Variants in PBX1 observed in about 807,000 individuals in gnomAD.
PBX1 encodes the protein pre-B-cell leukemia transcription factor 1.
Under a neutral mutation model 53.4 loss-of-function variants are expected in PBX1, and 6 were observed. The ratio of observed to expected loss-of-function variants is 0.11; its 90% CI spans 0.06 to 0.22. The LOEUF (loss-of-function observed/expected upper bound fraction) is 0.22, where lower values mean the gene tolerates loss of function less well. PBX1 is among the 10% of genes least tolerant of loss of function. The pLI, the probability that PBX1 is intolerant of heterozygous loss-of-function variation, is 1.00. For synonymous variants in PBX1, 204 were observed against 212.3 expected, an observed-to-expected ratio of 0.96 and a Z score of 0.34; for missense variants, 251 against 551.4, an observed-to-expected ratio of 0.46 and a Z score of 5.46.
intron 2 of PBX1, chr1:164,682,977 G>A (rs1016258776): frequency 6.6e-6 from 1 of 152,222 alleles, no homozygotes; most frequent in Non-Finnish European, 1.5e-5. Flanking sequence ...CAGGCTGTGA[G>A]TTTTTTGATG....
At chr1:164,696,083 G>T (rs901332057) in intron 2 of PBX1, among the ~76,000 whole-genome samples, 3 of 152,138 alleles carry the variant, frequency 2.0e-5, no homozygotes, top group African/African-American at 7.2e-5. Flanking sequence ...TGGAGACCCA[G>T]TCGTTATTTG....
intron 2 of PBX1, among the ~76,000 whole-genome samples, chr1:164,733,391 C>T (rs1039170491): frequency 6.6e-6 from 1 of 152,128 alleles, no homozygotes; most frequent in African/African-American, 2.4e-5. Flanking sequence ...TCTCTGTGAA[C>T]CACCAAGGGT....
chr1:164,881,332 AGAAGGAAGGAAG>A lies in PBX1; in HGVS notation n.258-17837_258-17826del, dbSNP rs10615739. On this transcript the variant is annotated intron_variant and non_coding_transcript_variant, in intron 2 of 2. Coordinates refer to the PBX1 transcript ENST00000558796. ...AGGAAGGAAGGAAGGAAGGAGGAAA[AGAAGGAAGGAAG>A]GAAGGAAGGAAGGAAGGAGGAAAAG... is the stretch of plus-strand genomic sequence containing the variant. Among the ~76,000 whole-genome samples, 479 of 103,982 alleles carry A rather than the reference AGAAGGAAGGAAG, an allele frequency of 4.6e-3. 22 individuals carry two copies. Among genetic ancestry groups the A allele is most frequent in the African/African-American group, 0.013 (313 of 25,018 alleles). The allele number at this position is 103,982 out of a possible 152,430, so 68.2% of individuals were successfully genotyped here.
rs190363555 is a variant in PBX1, at chr1:164,807,572, G to A, written c.732G>A (p.Ala244=). 1.9e-6 allele frequency: 3 copies of A among 1,613,634 alleles called. No individual in the cohort carries two copies. The highest frequency in any genetic ancestry group is 1.3e-5 in the African/African-American group (1 of 74,998). Residue 244 remains alanine, a synonymous_variant, in exon 5 of 9, where the codon GCG becomes GCA. Coordinates refer to ENST00000420696, the MANE Select transcript of PBX1 (RefSeq NM_002585.4). ...RRKRRNFNKQ[A]TEILNEYFYS... is the part of the protein sequence containing the mutation. ...AGAGACGGAATTTCAACAAGCAAGC[G>A]ACAGAAATCCTGAATGAATATTTCT... is the stretch of plus-strand genomic sequence containing the variant.
chr1:164,646,462 A>C (rs1221170827), intron 2 of PBX1, among the ~76,000 whole-genome samples: 2 of 152,130 alleles, frequency 1.3e-5, no homozygotes, highest in African/African-American at 2.4e-5. Flanking sequence ...TAGGCTGACT[A>C]CCTAGAAGAG....
chr1:164,849,629 A>C lies in PBX1; in HGVS notation c.*2953A>C, dbSNP rs1197602716. On this transcript the variant is annotated 3_prime_UTR_variant, in exon 9 of 9. Transcript: ENST00000420696. ...ACGATACTAGACCCTGGGTTTGCCCACCTTGTAACTCTTCCTTATCTCCTC... is the reference window on the plus strand; with the variant it reads ...ACGATACTAGACCCTGGGTTTGCCCCCCTTGTAACTCTTCCTTATCTCCTC... 4 of 532,760 alleles carry C rather than the reference A, an allele frequency of 7.5e-6. No individual in the cohort carries two copies. The highest frequency in any genetic ancestry group is 1.3e-5 in the Non-Finnish European group (4 of 314,268). 33.0% of individuals were successfully genotyped at this position (532,760 alleles called of 1,614,324 possible). A position where few individuals can be genotyped will look rare whatever the true frequency, so the allele number is the denominator to read the frequency against.
chr1:164,835,981 T>C (rs1341686471), intron 8 of PBX1, among the ~76,000 whole-genome samples: 2 of 152,294 alleles, frequency 1.3e-5, no homozygotes, highest in East Asian at 3.9e-4. Context: ...CCTAGAGATA[T>C]GTTAGTGGAA....
chr1:164,687,055 T>G (rs1398476936), intron 2 of PBX1, among the ~76,000 whole-genome samples: 1 of 152,064 alleles, frequency 6.6e-6, no homozygotes, highest in African/African-American at 2.4e-5. Context: ...TCAAGCTACT[T>G]AATAACAATC....
At position 164,884,147 on chromosome 1, in the gene PBX1, T is replaced by C. The variant is rs533405042; in HGVS notation, n.258-15041T>C. Among the ~76,000 whole-genome samples, 68 of 152,334 alleles carry C rather than the reference T, an allele frequency of 4.5e-4. 1 individual carries two copies. The South Asian group carries it at 0.014, about 31-fold the overall frequency. On this transcript the variant is annotated intron_variant and non_coding_transcript_variant, in intron 2 of 2. Transcript: ENST00000558796. ...AACACGGGTAATAATAACTATTTCG[T>C]AGAGTTGCTATGAAGATTAAACAAG...
intron 2 of PBX1, among the ~76,000 whole-genome samples, chr1:164,792,067 C>A (rs79136483): frequency 0.011 from 1,599 of 152,086 alleles, 32 homozygotes; most frequent in African/African-American, 0.036. Flanking sequence ...TCGTGATCAA[C>A]CCCCCACTCA....
chr1:164,662,796 A>G (rs184517828), intron 2 of PBX1, among the ~76,000 whole-genome samples: 13 of 151,812 alleles, frequency 8.6e-5, no homozygotes, highest in East Asian at 1.9e-4. Flanking sequence ...TTATCATTCT[A>G]TGTCATTATG....
chr1:164,735,476 G>T (rs1249456616), intron 2 of PBX1, among the ~76,000 whole-genome samples: 1 of 152,186 alleles, frequency 6.6e-6, no homozygotes, highest in Non-Finnish European at 1.5e-5. Flanking sequence ...AATTGAGAGA[G>T]AAAGAGGGAG....
chr1:164,701,330 T>C lies in PBX1; in HGVS notation c.266-91164T>C, dbSNP rs183183195. ...ACTTCACCAATTGTTATCTCAGATA[T>C]GGATATGCCTGAGGCCTGGGCAAGT... On this transcript the variant is annotated intron_variant, in intron 2 of 8. Transcript: ENST00000420696. Among the ~76,000 whole-genome samples, 3 of 152,356 alleles carry C rather than the reference T, an allele frequency of 2.0e-5. No homozygotes were observed. In the East Asian group the frequency reaches 5.8e-4, roughly 29 times the overall value.
chr1:164,753,124 A>G (rs1216002283), intron 2 of PBX1, among the ~76,000 whole-genome samples: 1 of 152,222 alleles, frequency 6.6e-6, no homozygotes, highest in Non-Finnish European at 1.5e-5. Context: ...GCTGCAAGAG[A>G]AAAGAACCTC....
chr1:164,683,123 T>TAAC (rs1661887588), intron 2 of PBX1: 1 of 152,214 alleles, frequency 6.6e-6, no homozygotes, highest in African/African-American at 2.4e-5. Context: ...AGTAAGCAGA[T>TAAC]AACAGTAACA....
intron 2 of PBX1, among the ~76,000 whole-genome samples, chr1:164,783,314 A>G (rs1451571247): frequency 6.8e-6 from 1 of 146,854 alleles, no homozygotes; most frequent in Non-Finnish European, 1.5e-5. Context: ...CTGAGGATCT[A>G]TGGATTCCTT....
intron 2 of PBX1, among the ~76,000 whole-genome samples, chr1:164,881,637 G>GAA (rs1277565157): frequency 2.0e-4 from 12 of 59,818 alleles, no homozygotes; most frequent in Non-Finnish European, 3.2e-4. Context: ...GAAAAAAGGG[G>GAA]AGGAAAAGTG....
At position 164,847,562 on chromosome 1, in the gene PBX1, G is replaced by A. The variant is rs1400403828; in HGVS notation, c.*886G>A. ...GTTAGGCATGGTGATGAATGCATCA[G>A]CAAGGAATAGAAAGTTCTTATCGTG... On this transcript the variant is annotated 3_prime_UTR_variant, in exon 9 of 9. Transcript: ENST00000420696. The A allele has an allele frequency of 2.8e-6, 3 of 1,062,690 alleles. No individual in the cohort carries two copies. The highest frequency in any genetic ancestry group is 3.4e-6 in the Non-Finnish European group (3 of 877,818). The allele number at this position is 1,062,690 out of a possible 1,614,324, so 65.8% of individuals were successfully genotyped here. A position where few individuals can be genotyped will look rare whatever the true frequency, so the allele number is the denominator to read the frequency against.
At chr1:164,667,567 C>T (rs1660877843) in intron 2 of PBX1, among the ~76,000 whole-genome samples, 1 of 152,098 alleles carries the variant, frequency 6.6e-6, no homozygotes, top group African/African-American at 2.4e-5. Flanking sequence ...GCTGCTTCAG[C>T]TTCAAGACAT....
Sources: allele counts gnomAD v4.1 joint callset (sites outside exome capture counted in the v4.1 genomes callset), GRCh38; gene constraint gnomAD v4.1.1; transcripts MANE v1.5; gene names NCBI Gene and HGNC (gene_info 2026-07-23, HGNC 2026-07-21).